MSI2: variants seen among roughly 807,000 people sequenced by gnomAD.
MSI2 encodes musashi RNA binding protein 2, also known as RNA-binding protein Musashi homolog 2.
MSI2 carries 17 observed loss-of-function variants against 45.6 expected under a neutral mutation model. The observed-to-expected ratio is 0.37, with a 90% CI of 0.26 to 0.56. The LOEUF (loss-of-function observed/expected upper bound fraction) is 0.56, where lower values mean the gene tolerates loss of function less well. Among genes scored for constraint, MSI2 ranks in the 20% least tolerant of loss-of-function variants. The probability of loss-of-function intolerance (pLI) is 0.77; values close to 1 mark genes in which losing one functional copy is unlikely to be tolerated. For synonymous variants in MSI2, 156 were observed against 158.2 expected (o/e 0.99, Z 0.11); for missense variants, 293 against 444.2 (o/e 0.66, Z 3.06).
chr17:57,515,277 C>T (rs771994732), intron 6 of MSI2, among the ~76,000 whole-genome samples: 3 of 152,162 alleles, frequency 2.0e-5, no homozygotes, highest in Non-Finnish European at 2.9e-5. Flanking sequence ...GATCTCGGCT[C>T]GCCGCAACCT....
Position 57,596,846 on chromosome 17 carries a change from T to A in MSI2, c.455-22T>A. 6.3e-7 allele frequency: 1 copy of A among 1,592,658 alleles called. No individual in the cohort carries two copies. The highest frequency in any genetic ancestry group is 8.6e-7 in the Non-Finnish European group (1 of 1,160,886). On this transcript the variant is annotated intron_variant, in intron 7 of 13. Transcript: ENST00000284073. The surrounding 1 kb of genome is among the most constrained non-coding windows in gnomAD (Gnocchi z 4.6). ...ACTCACCCCGCCTCTCTTTGTTTTT[T>A]CTTCTCTCTCTTTTCCTTTAGGGTT...
At chr17:57,319,198 G>A (rs1209335526) in intron 5 of MSI2, among the ~76,000 whole-genome samples, 2 of 152,272 alleles carry the variant, frequency 1.3e-5, no homozygotes, top group African/African-American at 2.4e-5. Context: ...CGACAGGGGC[G>A]AAGCCTGTGC....
At chr17:57,677,827 C>T (rs1376421367) in intron 13 of MSI2, among the ~76,000 whole-genome samples, 2 of 152,094 alleles carry the variant, frequency 1.3e-5, no homozygotes, top group Non-Finnish European at 2.9e-5. Flanking sequence ...AGTGAGGAAG[C>T]CCCTTGCCAC....
chr17:57,387,676 A>G (rs2083708958), intron 5 of MSI2, among the ~76,000 whole-genome samples: 1 of 152,204 alleles, frequency 6.6e-6, no homozygotes, highest in Non-Finnish European at 1.5e-5. Flanking sequence ...GGGTAGTAGA[A>G]TTCATAATAA....
rs1913808696 is a variant in MSI2 at position 57,684,499 on chromosome 17, A to G, written c.*4982A>G. 1.2e-5 allele frequency: 2 copies of G among 173,384 alleles called. No individual in the cohort carries two copies. Among genetic ancestry groups the G allele is most frequent in the East Asian group, 2.0e-4 (2 of 9,868 alleles). The allele number at this position is 173,384 out of a possible 1,614,324, so 10.7% of individuals were successfully genotyped here. ...TCAGGTCTTTGTGTGTGGCTTTCTT[A>G]AAGCCCTGTTGTAAAAAATTACTAT... is the stretch of plus-strand genomic sequence containing the variant. On this transcript the variant is annotated 3_prime_UTR_variant, in exon 14 of 14. Coordinates refer to ENST00000284073, the MANE Select transcript of MSI2 (RefSeq NM_138962.4).
chr17:57,490,411 A>T (rs558762994), intron 6 of MSI2, among the ~76,000 whole-genome samples: 1 of 152,364 alleles, frequency 6.6e-6, no homozygotes, highest in East Asian at 1.9e-4. Flanking sequence ...TCAGTTTCTC[A>T]GATCTCCTCT....
At chr17:57,603,051 A>G (rs546907526) in intron 8 of MSI2, among the ~76,000 whole-genome samples, 22 of 152,350 alleles carry the variant, frequency 1.4e-4, no homozygotes, top group African/African-American at 4.6e-4. Context: ...GCACGGAGCC[A>G]GGCCAAATGG....
intron 5 of MSI2, among the ~76,000 whole-genome samples, chr17:57,359,843 G>T (rs904591746): frequency 6.6e-6 from 1 of 152,182 alleles, no homozygotes; most frequent in African/African-American, 2.4e-5. Context: ...TCTCCTATTT[G>T]CTGCCTTAGC....
chr17:57,674,319 C>CT (rs994656628), intron 11 of MSI2, among the ~76,000 whole-genome samples: 11 of 147,890 alleles, frequency 7.4e-5, no homozygotes, highest in East Asian at 2.0e-4. Context: ...TCTTTTTTGT[C>CT]TTTTTTAAAA....
At chr17:57,366,900 C>T (rs1917237536) in intron 5 of MSI2, among the ~76,000 whole-genome samples, 1 of 152,154 alleles carries the variant, frequency 6.6e-6, no homozygotes, top group African/African-American at 2.4e-5. Context: ...TCTGTCGTTA[C>T]CAACACAGTA....
intron 6 of MSI2, among the ~76,000 whole-genome samples, chr17:57,424,524 C>CA (rs1484201827): frequency 6.6e-6 from 1 of 152,196 alleles, no homozygotes; most frequent in Non-Finnish European, 1.5e-5. Context: ...AAAGTTTTCT[C>CA]ATAGCTCCAG....
At chr17:57,445,982 A>T (rs1298944981) in intron 6 of MSI2, among the ~76,000 whole-genome samples, 1 of 152,124 alleles carries the variant, frequency 6.6e-6, no homozygotes, top group Admixed American at 6.5e-5. Flanking sequence ...GGTATTGGGG[A>T]TACAGAGGTG....
At chr17:57,564,390 A>G (rs930772628) in intron 7 of MSI2, among the ~76,000 whole-genome samples, 2 of 152,142 alleles carry the variant, frequency 1.3e-5, no homozygotes, top group Non-Finnish European at 2.9e-5. Flanking sequence ...ACATTTCTGA[A>G]TGCATTTGGG....
chr17:57,668,991 T>G (rs1912577860), intron 11 of MSI2, among the ~76,000 whole-genome samples: 1 of 152,242 alleles, frequency 6.6e-6, no homozygotes, highest in African/African-American at 2.4e-5. Context: ...ACCTCCAGGC[T>G]AAGCTCTAGA....
Position 57,652,215 on chromosome 17 carries a change from G to A in MSI2, c.790+54G>A. 6.5e-7 allele frequency: 1 copy of A among 1,528,078 alleles called. No individual in the cohort carries two copies. Among genetic ancestry groups the A allele is most frequent in the Admixed American group, 1.7e-5 (1 of 59,884 alleles). 94.7% of individuals were successfully genotyped at this position (1,528,078 alleles called of 1,614,324 possible). ...CCAGGCATGCCCCCAGTGTGCAGGG[G>A]GAGGTCAAGGCCCTGTCGGATCTGT... On this transcript the variant is annotated intron_variant, in intron 11 of 13. Transcript: ENST00000284073. The surrounding 1 kb of genome is among the most constrained non-coding windows in gnomAD (Gnocchi z 4.1).
intron 6 of MSI2, among the ~76,000 whole-genome samples, chr17:57,483,964 G>A (rs116027836): frequency 0.014 from 2,208 of 152,322 alleles, 45 homozygotes; most frequent in African/African-American, 0.048. Flanking sequence ...TAGGGTCCCA[G>A]GTCTAGTGGA....
At chr17:57,616,946 A>G (rs1419534329) in intron 9 of MSI2, among the ~76,000 whole-genome samples, 1 of 152,250 alleles carries the variant, frequency 6.6e-6, no homozygotes, top group African/African-American at 2.4e-5. Context: ...GTAAAATTCC[A>G]TTCAGGCACA....
At chr17:57,401,326 C>A (rs1455666385) in intron 5 of MSI2, 53 bp from the exon 6 acceptor site, 2 of 1,444,900 alleles carry the variant, frequency 1.4e-6, no homozygotes, top group Non-Finnish European at 1.9e-6. Context: ...CCTCTTGAGC[C>A]CTGCTTTAGA....
chr17:57,485,968 T>C (rs1160020278), intron 6 of MSI2, among the ~76,000 whole-genome samples: 1 of 152,218 alleles, frequency 6.6e-6, no homozygotes, highest in Non-Finnish European at 1.5e-5. Context: ...TAGACCCAGC[T>C]TCTCTGCCTC....
Sources: gnomAD v4.1 joint callset for allele counts (sites outside exome capture counted in the v4.1 genomes callset) on GRCh38, gnomAD v4.1.1 for gene constraint, Gnocchi (gnomAD v3.1) non-coding constraint, MANE v1.5 for transcripts, NCBI Gene and HGNC (gene_info 2026-07-23, HGNC 2026-07-21) for gene names.